Variants in LINGO2 observed in about 807,000 individuals in gnomAD.
The protein encoded by LINGO2 is leucine rich repeat and Ig domain containing 2.
LINGO2 carries 14 observed loss-of-function variants against 30.6 expected under a neutral mutation model. The observed-to-expected ratio is 0.46, with a 90% confidence interval of 0.30 to 0.72. The LOEUF (loss-of-function observed/expected upper bound fraction) is 0.72. LINGO2 is among the 30% of genes least tolerant of loss of function. LINGO2 has a pLI of 0.07. For missense variants in LINGO2, 729 were observed against 751.7 expected (o/e 0.97, Z 0.35); for synonymous variants, 317 against 288.5 (o/e 1.10, Z -1.00).
At position 28,496,274 on chromosome 9, in the gene LINGO2, G is replaced by A. The variant is rs145197682; in HGVS notation, c.-364-20249C>T. On this transcript the variant is annotated intron_variant, in intron 1 of 5. Transcript: ENST00000379992. ...TGACAGTGGGGTGTTAAAGTCTCCC[G>A]TTATTATTGTGTGGGAGTCTAAGTC... Among the ~76,000 whole-genome samples, 382 of 151,936 alleles carry A rather than the reference G, an allele frequency of 2.5e-3. 1 individual carries two copies. Among genetic ancestry groups the A allele is most frequent in the African/African-American group, 8.2e-3 (338 of 41,440 alleles).
At chr9:28,939,887 A>T in the LINGO2 span, among the ~76,000 whole-genome samples, 10 of 152,274 alleles carry the variant, frequency 6.6e-5, no homozygotes, top group African/African-American at 2.2e-4. Flanking sequence ...CCCACTCTAG[A>T]TTAAAAAGTA....
intron 1 of LINGO2, among the ~76,000 whole-genome samples, chr9:28,526,153 T>C (rs1291273162): frequency 6.9e-6 from 1 of 145,958 alleles, no homozygotes; most frequent in Non-Finnish European, 1.5e-5. Flanking sequence ...AATAACAAAA[T>C]CAATAATACA....
chr9:28,318,381 T>A (rs573837576), intron 3 of LINGO2, among the ~76,000 whole-genome samples: 1 of 152,314 alleles, frequency 6.6e-6, no homozygotes, highest in East Asian at 1.9e-4. Flanking sequence ...TTGTATAATC[T>A]CCAAATTTCT....
At chr9:29,183,357 C>A in the LINGO2 span, among the ~76,000 whole-genome samples, 2 of 152,150 alleles carry the variant, frequency 1.3e-5, no homozygotes, top group Non-Finnish European at 2.9e-5. Flanking sequence ...AGAAATGAAG[C>A]CATGGGTGGA....
chr9:28,245,614 T>C (rs544267009), intron 4 of LINGO2, among the ~76,000 whole-genome samples: 16 of 152,104 alleles, frequency 1.1e-4, no homozygotes, highest in Non-Finnish European at 2.2e-4. Context: ...ACAAAATCAA[T>C]GTGCAAAAAT....
chr9:28,126,818 G>C (rs1827248569), intron 4 of LINGO2, among the ~76,000 whole-genome samples: 1 of 152,106 alleles, frequency 6.6e-6, no homozygotes, highest in Non-Finnish European at 1.5e-5. Context: ...TCTTCAACTG[G>C]GGATGCTCAG....
chr9:28,390,712 C>G (rs1027337357), intron 2 of LINGO2, among the ~76,000 whole-genome samples: 1 of 152,178 alleles, frequency 6.6e-6, no homozygotes, highest in East Asian at 1.9e-4. Context: ...TAATACACAT[C>G]TGACTTCTCC....
At chr9:28,569,313 T>G (rs1444114436) in intron 1 of LINGO2, among the ~76,000 whole-genome samples, 1 of 151,938 alleles carries the variant, frequency 6.6e-6, no homozygotes, top group South Asian at 2.1e-4. Context: ...ATGAAATCAG[T>G]ATCTTGAAGA....
At chr9:28,350,043 T>A (rs1180772256) in intron 3 of LINGO2, among the ~76,000 whole-genome samples, 2 of 151,634 alleles carry the variant, frequency 1.3e-5, no homozygotes, top group Admixed American at 1.3e-4. Flanking sequence ...CGCTGCAAAA[T>A]CATGCCAAAA....
chr9:28,979,785 A>T, the LINGO2 span, among the ~76,000 whole-genome samples: 1 of 152,194 alleles, frequency 6.6e-6, no homozygotes, highest in South Asian at 2.1e-4. Flanking sequence ...TGTGCTGGAC[A>T]AAATAAATGT....
intron 2 of LINGO2, among the ~76,000 whole-genome samples, chr9:28,414,480 C>T (rs1822894007): frequency 6.6e-6 from 1 of 152,088 alleles, no homozygotes; most frequent in African/African-American, 2.4e-5. Context: ...CATTGAGGGG[C>T]TGATATTTGC....
chr9:29,103,294 T>C, the LINGO2 span, among the ~76,000 whole-genome samples: 1 of 141,128 alleles, frequency 7.1e-6, no homozygotes, highest in African/African-American at 2.4e-5. Context: ...TAGAAAACTT[T>C]ATAAAGAATG....
chr9:29,154,402 A>C, the LINGO2 span, among the ~76,000 whole-genome samples: 1 of 148,428 alleles, frequency 6.7e-6, no homozygotes, highest in Non-Finnish European at 1.5e-5. Flanking sequence ...GTGGGCGGAG[A>C]TCGCGCCACT....
chr9:27,968,856 T>C (rs113914662), intron 5 of LINGO2, among the ~76,000 whole-genome samples: 7,213 of 151,732 alleles, frequency 0.048, 311 homozygotes, highest in Admixed American at 0.1. Context: ...CTTTAAAACA[T>C]TTATAATATA....
intron 3 of LINGO2, among the ~76,000 whole-genome samples, chr9:28,368,419 G>T (rs1820759551): frequency 6.6e-6 from 1 of 152,068 alleles, no homozygotes; most frequent in Admixed American, 6.6e-5. Context: ...TCTCCAGAGA[G>T]GAATCCTTTG....
the LINGO2 span, among the ~76,000 whole-genome samples, chr9:28,860,763 T>C: frequency 1.3e-5 from 2 of 149,148 alleles, no homozygotes; most frequent in South Asian, 2.1e-4. Flanking sequence ...ACAATAGATA[T>C]AGTCAATGAT....
chr9:28,837,649 A>ATATATATAT, the LINGO2 span, among the ~76,000 whole-genome samples: 1 of 75,794 alleles, frequency 1.3e-5, no homozygotes, highest in Non-Finnish European at 2.5e-5. Flanking sequence ...CTCCGTCTAA[A>ATATATATAT]ATATATATAT....
chr9:29,075,708 T>C, the LINGO2 span, among the ~76,000 whole-genome samples: 190 of 152,162 alleles, frequency 1.2e-3, no homozygotes, highest in Middle Eastern at 3.4e-3. Context: ...AGTTGTATGC[T>C]TCGAAGAGAC....
At chr9:29,121,803 C>G in the LINGO2 span, among the ~76,000 whole-genome samples, 1 of 152,000 alleles carries the variant, frequency 6.6e-6, no homozygotes, top group Non-Finnish European at 1.5e-5. Flanking sequence ...CATTTTGATC[C>G]TTGATTTTAT....
Sources: allele counts gnomAD v4.1 joint callset (sites outside exome capture counted in the v4.1 genomes callset), GRCh38; gene constraint gnomAD v4.1.1; transcripts MANE v1.5; gene names NCBI Gene and HGNC (gene_info 2026-07-23, HGNC 2026-07-21).